AGBL2: variants seen among roughly 807,000 people sequenced by gnomAD.
AGBL2 encodes AGBL carboxypeptidase 2, also known as cytosolic carboxypeptidase 2.
Under a neutral mutation model 103.0 loss-of-function variants are expected in AGBL2, and 87 were observed. The ratio of observed to expected loss-of-function variants is 0.84; its 90% CI spans 0.71 to 1.01. The LOEUF (loss-of-function observed/expected upper bound fraction) is 1.01. AGBL2 is among the 50% of genes least tolerant of loss of function. AGBL2 has a pLI of 0.00. For missense variants in AGBL2, 904 were observed against 1,023.5 expected, an observed-to-expected ratio of 0.88 and a Z score of 1.59; for synonymous variants, 335 against 356.7, an observed-to-expected ratio of 0.94 and a Z score of 0.69.
At chr11:47,686,153 CT>C in intron 10 of AGBL2, 104 bp from the exon 11 acceptor site, 6 of 1,221,216 alleles carry the variant, frequency 4.9e-6, no homozygotes, top group Non-Finnish European at 5.8e-6. Context: ...AATACTTTCC[CT>C]CCTAAGAAAA....
chr11:47,687,549 G>A (rs1245625727), intron 10 of AGBL2, among the ~76,000 whole-genome samples: 8 of 148,866 alleles, frequency 5.4e-5, no homozygotes, highest in African/African-American at 2.0e-4. Context: ...AATGAACTCC[G>A]TCTCAAAAAA....
intron 4 of AGBL2, among the ~76,000 whole-genome samples, chr11:47,708,684 C>T (rs376235452): frequency 6.6e-6 from 1 of 151,546 alleles, no homozygotes; most frequent in African/African-American, 2.4e-5. Context: ...CATGGTGGCG[C>T]GTGCCTGTAG....
intron 7 of AGBL2, 69 bp from the exon 8 acceptor site, chr11:47,699,622 AAAT>A (rs1168348289): frequency 2.7e-5 from 21 of 790,244 alleles, no homozygotes; most frequent in South Asian, 1.0e-4. Context: ...AACTAATATA[AAAT>A]AATAATAATA....
chr11:47,689,926 T>C (rs2097438319), intron 10 of AGBL2, 150 bp downstream of exon 10: 4 of 622,296 alleles, frequency 6.4e-6, no homozygotes. Context: ...ACAAAGTCAC[T>C]TGACTACAAA....
intron 16 of AGBL2, 135 bp from the exon 17 acceptor site, chr11:47,667,198 C>G (rs2097343595): frequency 3.0e-6 from 2 of 659,872 alleles, no homozygotes; most frequent in South Asian, 3.9e-5. Flanking sequence ...AGTGTGGCAG[C>G]TTGGACAAAG....
At chr11:47,697,582 G>C (rs1376615560) in intron 8 of AGBL2, among the ~76,000 whole-genome samples, 2 of 108,626 alleles carry the variant, frequency 1.8e-5, no homozygotes, top group Non-Finnish European at 3.4e-5. Context: ...GTCTTGCTCT[G>C]TCGCCCAGGC....
At chr11:47,714,395 A>G (rs1012703502) in intron 2 of AGBL2, 48 bp from the exon 3 acceptor site, 66 of 1,559,228 alleles carry the variant, frequency 4.2e-5, no homozygotes, top group Non-Finnish European at 5.8e-5. Flanking sequence ...TTCAAACCAT[A>G]ATAGACTCAA....
At chr11:47,691,966 A>C in intron 9 of AGBL2, 137 bp downstream of exon 9, 1 of 694,928 alleles carries the variant, frequency 1.4e-6, no homozygotes. Flanking sequence ...AGTAATAATT[A>C]CTCCATTTTT....
Position 47,663,895 on chromosome 11 carries a change from G to A in AGBL2, c.2449-783C>T, listed in dbSNP as rs536214271. On this transcript the variant is annotated intron_variant, in intron 17 of 18. Coordinates refer to ENST00000525123, the MANE Select transcript of AGBL2 (RefSeq NM_024783.4). ...TTTCTGAGACAGTATCACTCTTGTC[G>A]CCCAGGCTGGTTGCAATGGCGCAAT... 5.5e-5 allele frequency among the ~76,000 whole-genome samples: 8 copies of A among 145,874 alleles called. No individual in the cohort carries two copies. In the East Asian group the frequency reaches 6.0e-4, roughly 11 times the overall value.
At chr11:47,682,718 G>C (rs2097406053) in intron 11 of AGBL2, among the ~76,000 whole-genome samples, 1 of 152,098 alleles carries the variant, frequency 6.6e-6, no homozygotes, top group Non-Finnish European at 1.5e-5. Context: ...GTGTCACTTG[G>C]AGTTTGTAAT....
chr11:47,668,514 G>A (rs1230961237), intron 15 of AGBL2, among the ~76,000 whole-genome samples: 1 of 151,930 alleles, frequency 6.6e-6, no homozygotes. Context: ...AAAACACAAA[G>A]GGGCACTTAT....
chr11:47,697,318 A>G (rs1002350582), intron 8 of AGBL2, among the ~76,000 whole-genome samples: 1 of 151,396 alleles, frequency 6.6e-6, no homozygotes, highest in Admixed American at 6.6e-5. Flanking sequence ...GCTCACTGCA[A>G]CCTCCACCTC....
intron 3 of AGBL2, among the ~76,000 whole-genome samples, chr11:47,713,012 A>G: frequency 6.6e-6 from 1 of 151,878 alleles, no homozygotes. Context: ...ACTGCACTCC[A>G]GCCTGGGCAA....
rs371721153 is a variant in AGBL2, at chr11:47,690,257, G to T, written c.1450C>A (p.Pro484Thr). Residue 484 changes from proline (P) to threonine (T), a missense_variant, in exon 10 of 19, where the codon CCA (proline) becomes ACA (threonine). By Grantham distance (38) the Pro-to-Thr change is conservative. Transcript: ENST00000525123. ...ATATCTCTGAGGAGCTGGGCATCTGGGGAGTTGCTAAGGATGAAGTCCAAA... is the reference window on the plus strand; with the variant it reads ...ATATCTCTGAGGAGCTGGGCATCTGTGGAGTTGCTAAGGATGAAGTCCAAA... The part of the protein sequence containing the change: ...GFLDFILSNS[P>T]DAQLLRDIFV... 4 of 1,613,932 alleles carry T rather than the reference G, an allele frequency of 2.5e-6. No homozygotes were observed. Among genetic ancestry groups the T allele is most frequent in the Non-Finnish European group, 3.4e-6 (4 of 1,180,012 alleles).
At chr11:47,688,602 A>G (rs2097433272) in intron 10 of AGBL2, among the ~76,000 whole-genome samples, 1 of 152,166 alleles carries the variant, frequency 6.6e-6, no homozygotes, top group African/African-American at 2.4e-5. Flanking sequence ...TAAATAGATC[A>G]TGTGATTATC....
chr11:47,698,408 G>A (rs2097485262), intron 8 of AGBL2, among the ~76,000 whole-genome samples: 1 of 152,050 alleles, frequency 6.6e-6, no homozygotes, highest in African/African-American at 2.4e-5. Flanking sequence ...CCAACCTCAG[G>A]TGGTCTGCCT....
rs769506962 is a variant in AGBL2, at chr11:47,667,666, TC to T, written c.2244del (p.Lys751ArgfsTer19). 4.0e-5 allele frequency: 64 copies of T among 1,612,906 alleles called. No homozygotes were observed. The highest frequency in any genetic ancestry group is 5.3e-5 in the Non-Finnish European group (63 of 1,179,870). Reference protein sequence around the residue: ...ELTQKKKMFKKKKKKSLQTRK... With the variant: ...ELTQKKKMFKXKKKKSLQTRK... ...CTAGTCTGAAGTGACTTCTTTTTTTTCTTCTTAAACATCTTCTTTTTCTGAG... is the reference window on the plus strand; with the variant it reads ...CTAGTCTGAAGTGACTTCTTTTTTTTTTCTTAAACATCTTCTTTTTCTGAG... On this transcript the variant is annotated frameshift_variant, in exon 16 of 19. Coordinates refer to ENST00000525123, the MANE Select transcript of AGBL2 (RefSeq NM_024783.4). LOFTEE classifies it high-confidence loss of function.
intron 7 of AGBL2, among the ~76,000 whole-genome samples, chr11:47,700,675 A>G (rs1249835697): frequency 6.6e-6 from 1 of 152,214 alleles, no homozygotes; most frequent in African/African-American, 2.4e-5. Context: ...AAGAGTAGCC[A>G]CTGATGAATT....
intron 6 of AGBL2, 96 bp downstream of exon 6, chr11:47,705,425 C>G (rs11602395): frequency 0.28 from 47,972 of 170,616 alleles, 7,703 homozygotes; most frequent in Middle Eastern, 0.37. Context: ...GCGGGCTGAT[C>G]ATCTGAGTTC....
Sources: gnomAD v4.1 joint callset for allele counts (sites outside exome capture counted in the v4.1 genomes callset) on GRCh38, gnomAD v4.1.1 for gene constraint, MANE v1.5 for transcripts, NCBI Gene and HGNC (gene_info 2026-07-23, HGNC 2026-07-21) for gene names.